Variants in PRKD3 observed in about 807,000 individuals in gnomAD.
The protein encoded by PRKD3 is protein kinase D3, also known as serine/threonine-protein kinase D3.
Under a neutral mutation model 99.2 loss-of-function variants are expected in PRKD3, and 47 were observed. The ratio of observed to expected loss-of-function variants is 0.47; its 90% CI spans 0.38 to 0.60. The LOEUF (loss-of-function observed/expected upper bound fraction) is 0.60, where lower values mean the gene tolerates loss of function less well. Among genes scored for constraint, PRKD3 ranks in the 20% least tolerant of loss-of-function variants. The pLI is 0.00. For synonymous variants in PRKD3, 392 were observed against 355.4 expected (o/e 1.10, Z -1.16); for missense variants, 1,019 against 1,088.4 (o/e 0.94, Z 0.90).
rs536830237 is a variant in PRKD3, at chr2:37,312,415, T to C, written c.288+3822A>G. Reference sequence around the variant, plus strand: ...CAATGTATTATTTCAAATGTGGTCATGGCACAGCTCAGAGGCAAACACAGC... The same window carrying C: ...CAATGTATTATTTCAAATGTGGTCACGGCACAGCTCAGAGGCAAACACAGC... On this transcript the variant is annotated intron_variant, in intron 2 of 18. Coordinates refer to ENST00000234179, the MANE Select transcript of PRKD3 (RefSeq NM_005813.6). Among the ~76,000 whole-genome samples, 48 of 152,352 alleles carry C rather than the reference T, an allele frequency of 3.2e-4. 1 individual carries two copies. The highest frequency in any genetic ancestry group is 1.1e-3 in the African/African-American group (44 of 41,598).
At chr2:37,293,727 C>A (rs1367354852) in intron 2 of PRKD3, among the ~76,000 whole-genome samples, 1 of 152,202 alleles carries the variant, frequency 6.6e-6, no homozygotes, top group Admixed American at 6.5e-5. Flanking sequence ...ATAAATGACA[C>A]CATGTCACCT....
rs1572607980 is a variant in PRKD3 at position 37,257,819 on chromosome 2, G to C, written c.2146-890C>G. ...AAGGTAATTTTAAATGGGGACACCA[G>C]TGGAATAATGCTGGAGACTGCCCCA... On this transcript the variant is annotated intron_variant, in intron 16 of 18. Coordinates refer to ENST00000234179, the MANE Select transcript of PRKD3 (RefSeq NM_005813.6). 2.0e-5 allele frequency among the ~76,000 whole-genome samples: 3 copies of C among 152,224 alleles called. No individual in the cohort carries two copies. In the East Asian group the frequency reaches 5.8e-4, roughly 29 times the overall value.
At chr2:37,296,149 A>G (rs1670665256) in intron 2 of PRKD3, among the ~76,000 whole-genome samples, 1 of 152,250 alleles carries the variant, frequency 6.6e-6, no homozygotes, top group Non-Finnish European at 1.5e-5. Context: ...AATAAATCAT[A>G]TGGCTCATCA....
At chr2:37,257,339 T>C (rs1486975463) in intron 16 of PRKD3, among the ~76,000 whole-genome samples, 1 of 152,090 alleles carries the variant, frequency 6.6e-6, no homozygotes, top group African/African-American at 2.4e-5. Context: ...CCTGGACACA[T>C]AAAGGTACTC....
At chr2:37,319,887 A>G (rs1268084699) in intron 1 of PRKD3, among the ~76,000 whole-genome samples, 1 of 152,226 alleles carries the variant, frequency 6.6e-6, no homozygotes, top group Non-Finnish European at 1.5e-5. Context: ...GATTTTATTC[A>G]GTATCACTGC....
At chr2:37,321,125 G>A (rs1477549333) in intron 1 of PRKD3, among the ~76,000 whole-genome samples, 1 of 152,124 alleles carries the variant, frequency 6.6e-6, no homozygotes, top group Non-Finnish European at 1.5e-5. Flanking sequence ...ACTGAAAGAA[G>A]AGTACATCTT....
intron 5 of PRKD3, among the ~76,000 whole-genome samples, chr2:37,287,973 C>T (rs1265369712): frequency 6.6e-6 from 1 of 152,184 alleles, no homozygotes; most frequent in Admixed American, 6.5e-5. Context: ...GCTACAAGTT[C>T]TACTTGTTTA....
intron 14 of PRKD3, among the ~76,000 whole-genome samples, chr2:37,261,087 T>C (rs1339190976): frequency 1.3e-5 from 2 of 152,254 alleles, no homozygotes; most frequent in Non-Finnish European, 2.9e-5. Flanking sequence ...TAAATTCCTT[T>C]GTCAACATTT....
At chr2:37,300,619 A>G (rs868517785) in intron 2 of PRKD3, among the ~76,000 whole-genome samples, 7 of 152,356 alleles carry the variant, frequency 4.6e-5, no homozygotes, top group Middle Eastern at 3.4e-3. Context: ...GTATGCTTGT[A>G]TCAAAATATC....
At chr2:37,308,810 A>G (rs916057994) in intron 2 of PRKD3, among the ~76,000 whole-genome samples, 2 of 149,338 alleles carry the variant, frequency 1.3e-5, no homozygotes, top group African/African-American at 2.4e-5. Flanking sequence ...GCTTAAAACT[A>G]GTTTTTTAAG....
chr2:37,304,392 A>T (rs1443139745), intron 2 of PRKD3, among the ~76,000 whole-genome samples: 1 of 152,142 alleles, frequency 6.6e-6, no homozygotes, highest in Non-Finnish European at 1.5e-5. Context: ...CTCAACATGG[A>T]CTTGAATTTA....
intron 7 of PRKD3, among the ~76,000 whole-genome samples, chr2:37,280,741 CATAA>C (rs1356670597): frequency 1.3e-5 from 2 of 152,024 alleles, no homozygotes; most frequent in African/African-American, 2.4e-5. Context: ...TAAGTGACAA[CATAA>C]ATAAATAAAT....
intron 2 of PRKD3, among the ~76,000 whole-genome samples, chr2:37,313,820 ACAG>A (rs1315723789): frequency 1.3e-5 from 2 of 152,210 alleles, no homozygotes; most frequent in Non-Finnish European, 2.9e-5. Context: ...GGATAAACTC[ACAG>A]CAGATTGAAA....
chr2:37,289,434 T>G lies in PRKD3; in HGVS notation c.639A>C (p.Ser213=), dbSNP rs141267306. Residue 213 remains serine, a synonymous_variant, in exon 5 of 19, where the codon TCA becomes TCC. Coordinates refer to ENST00000234179, the MANE Select transcript of PRKD3 (RefSeq NM_005813.6). ...NCSGVRKRRL[S]NVSLPGPGLS... ...GGCCGGGTCCTGGTAAAGATACATT[T>G]GACAGACGTCTCTTTCTTACTCCAC... is the stretch of plus-strand genomic sequence containing the variant. 18 of 1,614,040 alleles carry G rather than the reference T, an allele frequency of 1.1e-5. No individual in the cohort carries two copies. Among genetic ancestry groups the G allele is most frequent in the Non-Finnish European group, 1.5e-5 (18 of 1,179,910 alleles).
rs1265651841 is a variant in PRKD3 at position 37,317,070 on chromosome 2, GA to G, written c.-547del. 4.1e-6 allele frequency: 4 copies of G among 985,136 alleles called. No homozygotes were observed. Among genetic ancestry groups the G allele is most frequent in the Non-Finnish European group, 3.6e-6 (3 of 829,858 alleles). 61.0% of individuals were successfully genotyped at this position (985,136 alleles called of 1,614,324 possible). ...AATGTCCTCATTTTCATTCTGGGGG[GA>G]TGAACTTTTCTATGACGAAATACAA... On this transcript the variant is annotated 5_prime_UTR_variant, in exon 2 of 19. The change creates a premature stop within an existing upstream ORF in the 5' untranslated region. Coordinates refer to ENST00000234179, the MANE Select transcript of PRKD3 (RefSeq NM_005813.6).
intron 16 of PRKD3, 37 bp downstream of exon 16, chr2:37,259,546 G>A (rs747214482): frequency 6.7e-7 from 1 of 1,487,974 alleles, no homozygotes; most frequent in East Asian, 2.3e-5. Context: ...TGAAAATGTT[G>A]CCAGAATCAT....
At chr2:37,317,713 C>A (rs1416527394) in intron 1 of PRKD3, 3 of 152,114 alleles carry the variant, frequency 2.0e-5, no homozygotes, top group African/African-American at 7.2e-5. Flanking sequence ...AGGGGATATA[C>A]TGAACAGTTA....
chr2:37,292,978 T>G, intron 3 of PRKD3, 155 bp downstream of exon 3: 1 of 872,098 alleles, frequency 1.1e-6, no homozygotes, highest in Non-Finnish European at 1.6e-6. Context: ...ATAACATGCC[T>G]GAAAGGAAAA....
intron 7 of PRKD3, among the ~76,000 whole-genome samples, chr2:37,281,250 C>T (rs554123458): frequency 1.1e-4 from 17 of 152,140 alleles, no homozygotes; most frequent in Non-Finnish European, 2.4e-4. Flanking sequence ...TGTTTCGTAT[C>T]CATTTGTTAT....
Sources: allele counts gnomAD v4.1 joint callset (sites outside exome capture counted in the v4.1 genomes callset), GRCh38; gene constraint gnomAD v4.1.1; transcripts MANE v1.5; gene names NCBI Gene and HGNC (gene_info 2026-07-23, HGNC 2026-07-21).